The following FAR1 variants were observed in gnomAD, a reference collection of about 807,000 sequenced individuals.
FAR1 encodes the protein male sterility domain-containing protein 2.
A neutral mutation model predicts 61.1 loss-of-function variants in FAR1; 22 were observed. The observed-to-expected ratio is 0.36, with a 90% confidence interval of 0.26 to 0.51. The LOEUF (loss-of-function observed/expected upper bound fraction) is 0.51, where lower values mean the gene tolerates loss of function less well. FAR1 is among the 20% of genes least tolerant of loss of function. The probability of loss-of-function intolerance (pLI) is 0.95; values close to 1 mark genes in which losing one functional copy is unlikely to be tolerated. For synonymous variants in FAR1, 206 were observed against 209.7 expected (o/e 0.98, Z 0.15); for missense variants, 359 against 626.9 (o/e 0.57, Z 4.56).
intron 1 of FAR1, among the ~76,000 whole-genome samples, chr11:13,693,411 G>A (rs545987110): frequency 8.5e-5 from 13 of 152,220 alleles, no homozygotes; most frequent in Admixed American, 3.9e-4. Context: ...CTCCACCTTC[G>A]TTTGTGGATG....
intron 1 of FAR1, among the ~76,000 whole-genome samples, chr11:13,678,709 T>G (rs1306929714): frequency 6.7e-6 from 1 of 148,890 alleles, no homozygotes; most frequent in Non-Finnish European, 1.5e-5. Context: ...AGGGCTTAGA[T>G]AGAATTTAGT....
intron 10 of FAR1, among the ~76,000 whole-genome samples, 198 bp downstream of exon 10, chr11:13,722,057 T>G (rs1325973065): frequency 6.6e-6 from 1 of 152,206 alleles, no homozygotes; most frequent in Non-Finnish European, 1.5e-5. Flanking sequence ...GTAAGTATTT[T>G]AGAGTGGCAA....
chr11:13,676,378 A>G (rs1055268654), intron 1 of FAR1, among the ~76,000 whole-genome samples: 4 of 152,166 alleles, frequency 2.6e-5, no homozygotes, highest in African/African-American at 7.2e-5. Context: ...ATAAATGCAT[A>G]AATACCTTTT....
At chr11:13,710,945 C>T (rs1373879068) in intron 5 of FAR1, 75 bp downstream of exon 5, 8 of 1,319,524 alleles carry the variant, frequency 6.1e-6, no homozygotes, top group Non-Finnish European at 8.4e-6. Context: ...AAAGAGCTGG[C>T]AGTTCTTTAA....
chr11:13,685,109 G>A (rs1848172104), intron 1 of FAR1, among the ~76,000 whole-genome samples: 1 of 152,098 alleles, frequency 6.6e-6, no homozygotes, highest in African/African-American at 2.4e-5. Context: ...TGAAAATGAT[G>A]TCTTTTTATT....
Position 13,700,310 on chromosome 11 carries a change from T to C in FAR1, c.190-7T>C. On this transcript the variant is annotated splice_region_variant and splice_polypyrimidine_tract_variant and intron_variant, in intron 2 of 11. Coordinates refer to ENST00000354817, the MANE Select transcript of FAR1 (RefSeq NM_032228.6). ...GCTGTAAAATAAATATTTTTCCCTCTTGATAGCTTTTTGACAGATTGAGAG... is the reference window on the plus strand; with the variant it reads ...GCTGTAAAATAAATATTTTTCCCTCCTGATAGCTTTTTGACAGATTGAGAG... The C allele has an allele frequency of 1.3e-6, 2 of 1,558,212 alleles. No homozygotes were observed. The highest frequency in any genetic ancestry group is 1.7e-6 in the Non-Finnish European group (2 of 1,159,984).
chr11:13,696,827 A>C (rs1848311164), intron 2 of FAR1, among the ~76,000 whole-genome samples: 1 of 152,136 alleles, frequency 6.6e-6, no homozygotes, highest in Admixed American at 6.6e-5. Flanking sequence ...GTTAGTAAGA[A>C]ATTTTAGGTA....
At chr11:13,681,275 A>G (rs1182891956) in intron 1 of FAR1, among the ~76,000 whole-genome samples, 1 of 152,214 alleles carries the variant, frequency 6.6e-6, no homozygotes, top group Non-Finnish European at 1.5e-5. Context: ...TCTTCGTTGT[A>G]CCGTAGTCCT....
At position 13,711,750 on chromosome 11, in the gene FAR1, AT is replaced by A. The variant is rs1848500789; in HGVS notation, c.724-9del. On this transcript the variant is annotated splice_polypyrimidine_tract_variant and intron_variant, in intron 5 of 11. Transcript: ENST00000354817. ...TTTCTAAGCTTCTCTCCCTTTTAAA[AT>A]TTTTGGTATTAGGGATGGATTGATA... 3 of 1,581,512 alleles carry A rather than the reference AT, an allele frequency of 1.9e-6. No homozygotes were observed. The highest frequency in any genetic ancestry group is 1.8e-5 in the Admixed American group (1 of 55,768).
chr11:13,695,598 A>G (rs1286496289), intron 2 of FAR1, among the ~76,000 whole-genome samples: 2 of 152,224 alleles, frequency 1.3e-5, no homozygotes, highest in African/African-American at 2.4e-5. Context: ...TATAAGCTCA[A>G]TTTTGGTACA....
intron 8 of FAR1, among the ~76,000 whole-genome samples, chr11:13,713,253 C>T (rs887953546): frequency 1.3e-5 from 2 of 149,414 alleles, no homozygotes; most frequent in African/African-American, 4.9e-5. Context: ...TACCCACCCA[C>T]CCTACCCTTG....
intron 1 of FAR1, among the ~76,000 whole-genome samples, chr11:13,683,290 G>A (rs1428939817): frequency 1.3e-5 from 2 of 151,972 alleles, no homozygotes; most frequent in Non-Finnish European, 2.9e-5. Context: ...CTACTTGGGT[G>A]GTTGAGGTAG....
chr11:13,704,762 G>A (rs527391719), intron 3 of FAR1, among the ~76,000 whole-genome samples: 184 of 152,222 alleles, frequency 1.2e-3, no homozygotes, highest in Non-Finnish European at 2.1e-3. Flanking sequence ...GTAGTGATAA[G>A]ATCTCATCTA....
At chr11:13,669,214 TG>T in intron 1 of FAR1, 1 of 152,490 alleles carries the variant, frequency 6.6e-6, no homozygotes, top group Non-Finnish European at 1.5e-5. Context: ...ATTCCGGGTC[TG>T]GGGAGGAAGA....
chr11:13,728,012 G>GT (rs1848684445), intron 11 of FAR1, among the ~76,000 whole-genome samples: 1 of 151,770 alleles, frequency 6.6e-6, no homozygotes, highest in Admixed American at 6.6e-5. Flanking sequence ...ATTGATCTTT[G>GT]ACTCCATATT....
At chr11:13,678,273 CT>C (rs963181987) in intron 1 of FAR1, among the ~76,000 whole-genome samples, 10 of 151,108 alleles carry the variant, frequency 6.6e-5, no homozygotes, top group African/African-American at 2.2e-4. Flanking sequence ...GTCATGTTTT[CT>C]TTTTTTTTGA....
intron 10 of FAR1, among the ~76,000 whole-genome samples, chr11:13,727,350 T>G (rs1194742285): frequency 6.6e-6 from 1 of 151,996 alleles, no homozygotes; most frequent in Non-Finnish European, 1.5e-5. Context: ...GATTATCTTC[T>G]CAAATGTTTC....
At chr11:13,685,589 G>T in intron 1 of FAR1, 1 of 214,180 alleles carries the variant, frequency 4.7e-6, no homozygotes, top group East Asian at 1.1e-4. Flanking sequence ...ACTGGGAGTG[G>T]GACAATTTTT....
chr11:13,725,331 T>C (rs1311864802), intron 10 of FAR1, among the ~76,000 whole-genome samples: 1 of 152,182 alleles, frequency 6.6e-6, no homozygotes, highest in Admixed American at 6.5e-5. Context: ...TCCATAACAC[T>C]TGGCCTTTTA....
Sources: gnomAD v4.1 joint callset for allele counts (sites outside exome capture counted in the v4.1 genomes callset) on GRCh38, gnomAD v4.1.1 for gene constraint, MANE v1.5 for transcripts, NCBI Gene and HGNC (gene_info 2026-07-23, HGNC 2026-07-21) for gene names.